COX10: variants seen among roughly 807,000 people sequenced by gnomAD.
COX10 encodes protoheme IX farnesyltransferase, mitochondrial.
Under a neutral mutation model 37.3 loss-of-function variants are expected in COX10, and 27 were observed. The ratio of observed to expected loss-of-function variants is 0.72; its 90% CI spans 0.53 to 1.00. The LOEUF is 1.00. COX10 is among the 50% of genes least tolerant of loss of function. The probability of loss-of-function intolerance (pLI) is 0.00; values close to 1 mark genes in which losing one functional copy is unlikely to be tolerated. For missense variants in COX10, 475 were observed against 563.2 expected, an observed-to-expected ratio of 0.84 and a Z score of 1.59; for synonymous variants, 222 against 229.1, an observed-to-expected ratio of 0.97 and a Z score of 0.28.
chr17:14,146,852 T>G (rs974141984), intron 4 of COX10, among the ~76,000 whole-genome samples: 6 of 152,268 alleles, frequency 3.9e-5, no homozygotes, highest in Admixed American at 3.9e-4. Flanking sequence ...TAGACATTTC[T>G]CAAAAGAAGA....
chr17:14,152,950 T>C (rs537890736), intron 4 of COX10, among the ~76,000 whole-genome samples: 1 of 152,338 alleles, frequency 6.6e-6, no homozygotes, highest in Admixed American at 6.5e-5. Flanking sequence ...TTCACAATTG[T>C]GTGTGCTCCA....
At chr17:14,144,092 C>T (rs1487562061) in intron 4 of COX10, among the ~76,000 whole-genome samples, 2 of 152,094 alleles carry the variant, frequency 1.3e-5, no homozygotes, top group African/African-American at 2.4e-5. Context: ...TGGGAGTTCT[C>T]GGGTTGCTTA....
intron 1 of COX10, among the ~76,000 whole-genome samples, chr17:14,071,145 T>A (rs1302272278): frequency 6.6e-6 from 1 of 152,218 alleles, no homozygotes; most frequent in African/African-American, 2.4e-5. Context: ...AACTCATCCT[T>A]TTATGTTGCT....
intron 4 of COX10, among the ~76,000 whole-genome samples, chr17:14,112,868 G>A (rs1390286845): frequency 6.6e-6 from 1 of 152,124 alleles, no homozygotes; most frequent in Non-Finnish European, 1.5e-5. Flanking sequence ...AGTTTGGGAG[G>A]ATACTGTGAG....
intron 4 of COX10, among the ~76,000 whole-genome samples, chr17:14,118,828 C>T (rs951703865): frequency 1.3e-5 from 2 of 149,908 alleles, no homozygotes; most frequent in Admixed American, 6.6e-5. Flanking sequence ...AAAATAGTTC[C>T]ATTTCTCACC....
intron 5 of COX10, among the ~76,000 whole-genome samples, chr17:14,171,398 G>C (rs1294232758): frequency 5.9e-5 from 9 of 152,006 alleles, no homozygotes; most frequent in Admixed American, 1.3e-4. Context: ...CATGGTGCTC[G>C]ACCCTGGAGG....
intron 4 of COX10, among the ~76,000 whole-genome samples, chr17:14,133,397 A>G (rs554496147): frequency 7.9e-5 from 12 of 151,792 alleles, no homozygotes; most frequent in African/African-American, 2.2e-4. Context: ...ATATAATACT[A>G]TTAATTTTTA....
At chr17:14,143,450 G>T (rs1228935539) in intron 4 of COX10, among the ~76,000 whole-genome samples, 1 of 152,088 alleles carries the variant, frequency 6.6e-6, no homozygotes, top group Non-Finnish European at 1.5e-5. Context: ...GAGAAAATGG[G>T]CAGTAGAGCA....
At chr17:14,080,857 G>T (rs552752468) in intron 3 of COX10, among the ~76,000 whole-genome samples, 1 of 150,928 alleles carries the variant, frequency 6.6e-6, no homozygotes, top group Non-Finnish European at 1.5e-5. Flanking sequence ...GGAGATTTTT[G>T]ACTTTTATGT....
intron 5 of COX10, among the ~76,000 whole-genome samples, chr17:14,160,440 G>C (rs939078287): frequency 4.6e-5 from 7 of 151,998 alleles, no homozygotes; most frequent in Admixed American, 3.9e-4. Context: ...CATCACTAAT[G>C]GTTAATAATT....
intron 4 of COX10, among the ~76,000 whole-genome samples, chr17:14,141,527 C>G (rs1904541336): frequency 1.8e-5 from 1 of 56,286 alleles, no homozygotes; most frequent in Middle Eastern, 0.017. Flanking sequence ...CAGTCCCTGT[C>G]TCAAAAAAAA....
chr17:14,077,886 G>C (rs1444519468), intron 3 of COX10, among the ~76,000 whole-genome samples: 1 of 151,488 alleles, frequency 6.6e-6, no homozygotes. Flanking sequence ...GAGACAGGGA[G>C]GCTTTTGAGA....
intron 5 of COX10, among the ~76,000 whole-genome samples, chr17:14,181,241 G>A (rs1905849029): frequency 6.6e-6 from 1 of 152,244 alleles, no homozygotes; most frequent in African/African-American, 2.4e-5. Flanking sequence ...TAGATGCACA[G>A]TTAATTAGAC....
chr17:14,110,571 C>T (rs1185462511), intron 4 of COX10, among the ~76,000 whole-genome samples: 1 of 152,044 alleles, frequency 6.6e-6, no homozygotes, highest in Non-Finnish European at 1.5e-5. Context: ...TCCCCACCAC[C>T]CCCACCTAGC....
intron 4 of COX10, among the ~76,000 whole-genome samples, chr17:14,107,695 C>A (rs576386607): frequency 2.1e-4 from 32 of 151,318 alleles, no homozygotes; most frequent in South Asian, 4.2e-4. Flanking sequence ...ACACACACAC[C>A]ACACACGACC....
rs1339040987 is a variant in COX10 at position 14,207,654 on chromosome 17, C to T, written c.*441C>T. ...GTCTGTAGTTCTGTGAGCTCAGGTC[C>T]CTCAAAGGCCTCGGAGCACCCCCTT... On this transcript the variant is annotated 3_prime_UTR_variant, in exon 7 of 7. Coordinates refer to ENST00000261643, the MANE Select transcript of COX10 (RefSeq NM_001303.4). 5 of 159,084 alleles carry T rather than the reference C, an allele frequency of 3.1e-5. No individual in the cohort carries two copies. The highest frequency in any genetic ancestry group is 4.8e-5 in the African/African-American group (2 of 41,544). The allele number at this position is 159,084 out of a possible 1,614,324, so 9.9% of individuals were successfully genotyped here. A position where few individuals can be genotyped will look rare whatever the true frequency, so the allele number is the denominator to read the frequency against.
intron 4 of COX10, among the ~76,000 whole-genome samples, chr17:14,130,722 G>A (rs573284685): frequency 6.6e-4 from 101 of 151,926 alleles, no homozygotes; most frequent in African/African-American, 2.2e-3. Context: ...GCATTTCCAT[G>A]GCCATCTTCC....
intron 4 of COX10, among the ~76,000 whole-genome samples, chr17:14,116,797 CACTATT>C (rs1916123950): frequency 6.6e-6 from 1 of 152,156 alleles, no homozygotes; most frequent in Admixed American, 6.5e-5. Context: ...ACCTCTCTAT[CACTATT>C]ACTACTTCTA....
chr17:14,073,685 A>G (rs1426552682), intron 1 of COX10, among the ~76,000 whole-genome samples: 1 of 152,234 alleles, frequency 6.6e-6, no homozygotes, highest in Non-Finnish European at 1.5e-5. Flanking sequence ...ACTTAGTGTC[A>G]TGGAAGCCTT....
Sources: gnomAD v4.1 joint callset for allele counts (sites outside exome capture counted in the v4.1 genomes callset) on GRCh38, gnomAD v4.1.1 for gene constraint, MANE v1.5 for transcripts, NCBI Gene and HGNC (gene_info 2026-07-23, HGNC 2026-07-21) for gene names.